Variants in ERC2 observed in about 807,000 individuals in gnomAD.
ERC2 encodes ELKS/RAB6-interacting/CAST family member 2.
ERC2 carries 42 observed loss-of-function variants against 114.8 expected under a neutral mutation model. That is an observed-to-expected ratio of 0.37 (90% CI 0.29 to 0.47). The LOEUF (loss-of-function observed/expected upper bound fraction) is 0.47, where lower values mean the gene tolerates loss of function less well. Ranked by LOEUF, ERC2 falls within the 20% of genes least tolerant of loss-of-function variation. The pLI is 0.99. For synonymous variants in ERC2, 454 were observed against 425.5 expected, an observed-to-expected ratio of 1.07 and a Z score of -0.82; for missense variants, 939 against 1,150.7, an observed-to-expected ratio of 0.82 and a Z score of 2.66.
chr3:55,545,724 G>C (rs1474148501), intron 17 of ERC2, among the ~76,000 whole-genome samples: 1 of 152,172 alleles, frequency 6.6e-6, no homozygotes, highest in Admixed American at 6.5e-5. Context: ...ACTTAAAAGA[G>C]GCAAAGAGAG....
intron 1 of ERC2, 56 bp downstream of exon 1, chr3:56,468,192 G>T (rs1351826765): frequency 2.0e-5 from 3 of 152,082 alleles, no homozygotes; most frequent in Non-Finnish European, 2.9e-5. Flanking sequence ...CCCGGGCACG[G>T]GCGCCCCGAG....
intron 4 of ERC2, among the ~76,000 whole-genome samples, chr3:56,153,532 G>T (rs936591482): frequency 6.6e-6 from 1 of 152,168 alleles, no homozygotes; most frequent in African/African-American, 2.4e-5. Flanking sequence ...AGAAAAACAT[G>T]AATCTAGTTT....
At chr3:56,449,052 G>C (rs1401790088) in intron 1 of ERC2, among the ~76,000 whole-genome samples, 4 of 132,204 alleles carry the variant, frequency 3.0e-5, no homozygotes, top group African/African-American at 1.2e-4. Context: ...TCCAGCCTGG[G>C]CAACAGAGCG....
intron 2 of ERC2, among the ~76,000 whole-genome samples, chr3:56,349,658 G>A (rs1310936631): frequency 6.6e-6 from 1 of 152,198 alleles, no homozygotes; most frequent in African/African-American, 2.4e-5. Flanking sequence ...TGTAATCCCA[G>A]CATTTTGGGA....
chr3:56,269,406 T>G (rs117695853), intron 3 of ERC2, among the ~76,000 whole-genome samples: 342 of 152,316 alleles, frequency 2.2e-3, no homozygotes, highest in South Asian at 0.02. Flanking sequence ...ACACACTCAA[T>G]TTCCTCATGG....
chr3:56,417,989 A>C (rs1211980825), intron 2 of ERC2, among the ~76,000 whole-genome samples: 1 of 152,180 alleles, frequency 6.6e-6, no homozygotes, highest in Non-Finnish European at 1.5e-5. Context: ...GAAGTACTGA[A>C]ATAAGATTTG....
At chr3:55,912,683 G>A (rs747538153) in intron 13 of ERC2, among the ~76,000 whole-genome samples, 3 of 150,930 alleles carry the variant, frequency 2.0e-5, no homozygotes, top group Non-Finnish European at 4.4e-5. Context: ...ATTAACAGTG[G>A]TTTTCCTTGA....
intron 14 of ERC2, among the ~76,000 whole-genome samples, chr3:55,801,903 C>A (rs1020152034): frequency 6.6e-6 from 1 of 152,254 alleles, no homozygotes; most frequent in Non-Finnish European, 1.5e-5. Flanking sequence ...ACTGGGAGCC[C>A]TGCTCCCAGA....
At chr3:55,830,478 T>C (rs543692109) in intron 14 of ERC2, among the ~76,000 whole-genome samples, 3 of 152,290 alleles carry the variant, frequency 2.0e-5, no homozygotes, top group African/African-American at 7.2e-5. Flanking sequence ...AATGATAATA[T>C]TGTCTTGGGA....
intron 7 of ERC2, among the ~76,000 whole-genome samples, chr3:56,032,391 G>C (rs924772786): frequency 1.3e-5 from 2 of 152,074 alleles, no homozygotes; most frequent in Admixed American, 6.6e-5. Context: ...AAGTCTATGG[G>C]ACTTATGGGC....
chr3:55,522,404 G>A (rs1266516136), intron 17 of ERC2, among the ~76,000 whole-genome samples: 1 of 152,126 alleles, frequency 6.6e-6, no homozygotes, highest in East Asian at 1.9e-4. Context: ...AGATACAAAG[G>A]CAGATTCAGT....
intron 6 of ERC2, among the ~76,000 whole-genome samples, chr3:56,105,482 T>A (rs118127927): frequency 2.3e-3 from 351 of 152,098 alleles, no homozygotes; most frequent in Middle Eastern, 0.02. Flanking sequence ...CTAAGTTGTT[T>A]TGTTTCTATT....
intron 15 of ERC2, among the ~76,000 whole-genome samples, chr3:55,713,248 T>C (rs1004294841): frequency 2.0e-5 from 3 of 152,016 alleles, no homozygotes; most frequent in Non-Finnish European, 1.5e-5. Flanking sequence ...TTCACTCTTG[T>C]TGCCCAGGCT....
chr3:56,103,389 G>A (rs2078467262), intron 6 of ERC2, among the ~76,000 whole-genome samples: 1 of 152,154 alleles, frequency 6.6e-6, no homozygotes, highest in African/African-American at 2.4e-5. Context: ...GAAGCACTCA[G>A]CAAGGATGTA....
intron 10 of ERC2, among the ~76,000 whole-genome samples, chr3:55,996,532 A>C (rs982669959): frequency 6.6e-6 from 1 of 152,224 alleles, no homozygotes; most frequent in Non-Finnish European, 1.5e-5. Context: ...ATCTTATAGA[A>C]ACACAAAAAA....
intron 13 of ERC2, among the ~76,000 whole-genome samples, chr3:55,919,786 G>T (rs2065308564): frequency 6.6e-6 from 1 of 152,168 alleles, no homozygotes; most frequent in Non-Finnish European, 1.5e-5. Context: ...ACTTGAGGGG[G>T]TAGTAAACCA....
chr3:56,420,549 AT>A (rs371607605), intron 2 of ERC2, among the ~76,000 whole-genome samples: 263 of 152,030 alleles, frequency 1.7e-3, no homozygotes, highest in African/African-American at 6.1e-3. Flanking sequence ...AATTAGTATC[AT>A]TTTCCCATCC....
intron 13 of ERC2, among the ~76,000 whole-genome samples, chr3:55,908,755 G>A (rs890315744): frequency 7.9e-5 from 12 of 152,082 alleles, no homozygotes; most frequent in Non-Finnish European, 1.6e-4. Flanking sequence ...ACTCCTACAC[G>A]TTGGGTTGCC....
intron 14 of ERC2, among the ~76,000 whole-genome samples, chr3:55,767,964 G>A (rs2067928610): frequency 1.3e-5 from 2 of 152,138 alleles, no homozygotes; most frequent in South Asian, 4.1e-4. Flanking sequence ...GGATCATGGG[G>A]GCAGATTTCC....
Sources: allele counts gnomAD v4.1 joint callset (sites outside exome capture counted in the v4.1 genomes callset), GRCh38; gene constraint gnomAD v4.1.1; transcripts MANE v1.5; gene names NCBI Gene and HGNC (gene_info 2026-07-23, HGNC 2026-07-21).